The following NHSL2 variants were observed in gnomAD, a reference collection of about 807,000 sequenced individuals.
NHSL2 encodes the protein NHS like 2.
Under a neutral mutation model 53.4 loss-of-function variants are expected in NHSL2, and 27 were observed. The ratio of observed to expected loss-of-function variants is 0.51; its 90% confidence interval spans 0.37 to 0.70. The LOEUF (loss-of-function observed/expected upper bound fraction) is 0.70, where lower values mean the gene tolerates loss of function less well. NHSL2 is among the 30% of genes least tolerant of loss of function. NHSL2 has a pLI of 0.00. For synonymous variants in NHSL2, 408 were observed against 404.1 expected, an observed-to-expected ratio of 1.01 and a Z score of -0.12; for missense variants, 892 against 980.1, an observed-to-expected ratio of 0.91 and a Z score of 1.20.
At position 71,961,231 on chromosome X, in the gene NHSL2, T is replaced by C. The variant is rs1378084697; in HGVS notation, c.280+49864T>C. ...AACTGATTTTAACATATTGATCTTG[T>C]ACCCTGCAACTTTGCTGAATTCATT... On this transcript the variant is annotated intron_variant, in intron 1 of 7. Transcript: ENST00000633930. Among the ~76,000 whole-genome samples, 3 of 110,724 alleles carry C rather than the reference T, an allele frequency of 2.7e-5. No homozygotes were observed. The East Asian group carries it at 8.3e-4, about 31-fold the overall frequency.
At chrX:72,038,449 C>A (rs2042252920) in intron 1 of NHSL2, among the ~76,000 whole-genome samples, 1 of 112,487 alleles carries the variant, frequency 8.9e-6, no homozygotes, top group African/African-American at 3.2e-5. Flanking sequence ...TGCTTCAGAT[C>A]TTTTCTAAGA....
At chrX:72,111,510 T>C (rs1208637769) in intron 1 of NHSL2, among the ~76,000 whole-genome samples, 1 of 112,438 alleles carries the variant, frequency 8.9e-6, no homozygotes, top group African/African-American at 3.2e-5. Context: ...AGTGAGACAT[T>C]ATTATTATCT....
In NHSL2 at chrX:72,074,523, A is replaced by G. The variant is rs181525586; in HGVS notation, c.281-57556A>G. The stretch of plus-strand genomic sequence containing the variant: ...CATGACTGAGAGATGTGTTGGAGGC[A>G]GAGGCACAGGCCCTGGGGATTGGGG... On this transcript the variant is annotated intron_variant, in intron 1 of 7. Transcript: ENST00000633930. 4.0e-3 allele frequency among the ~76,000 whole-genome samples: 445 copies of G among 112,502 alleles called. 1 individual carries two copies. The highest frequency in any genetic ancestry group is 5.7e-3 in the Non-Finnish European group (304 of 53,334).
chrX:72,017,592 G>A (rs2042140836), intron 1 of NHSL2, among the ~76,000 whole-genome samples: 1 of 112,538 alleles, frequency 8.9e-6, no homozygotes, highest in Non-Finnish European at 1.9e-5. Flanking sequence ...TGCAGATGCT[G>A]TCTGGGCAAG....
At chrX:72,087,993 G>T (rs1214766388) in intron 1 of NHSL2, among the ~76,000 whole-genome samples, 1 of 107,072 alleles carries the variant, frequency 9.3e-6, no homozygotes, top group African/African-American at 3.3e-5. Flanking sequence ...TCCCCTGGGA[G>T]GCCGAGGCGG....
At chrX:72,010,325 G>T (rs984194723) in intron 1 of NHSL2, among the ~76,000 whole-genome samples, 1 of 112,337 alleles carries the variant, frequency 8.9e-6, no homozygotes, top group African/African-American at 3.2e-5. Flanking sequence ...GTGACACAGG[G>T]ATAGGTGAAA....
At chrX:72,023,454 C>T (rs1232474586) in intron 1 of NHSL2, among the ~76,000 whole-genome samples, 1 of 112,699 alleles carries the variant, frequency 8.9e-6, no homozygotes, top group Non-Finnish European at 1.9e-5. Context: ...CTGATGAAAA[C>T]AATATTTCCA....
At chrX:72,138,240 A>G (rs1410562951) in intron 5 of NHSL2, among the ~76,000 whole-genome samples, 1 of 112,257 alleles carries the variant, frequency 8.9e-6, no homozygotes, top group Non-Finnish European at 1.9e-5. Context: ...GGACCATTCA[A>G]GGGCACCGTA....
intron 1 of NHSL2, among the ~76,000 whole-genome samples, chrX:72,100,267 T>A (rs2041980731): frequency 8.9e-6 from 1 of 112,033 alleles, no homozygotes; most frequent in Non-Finnish European, 1.9e-5. Context: ...ACCTAGATAG[T>A]GTAGCCTGCT....
chrX:72,038,451 T>G (rs906114370), intron 1 of NHSL2, among the ~76,000 whole-genome samples: 8 of 112,484 alleles, frequency 7.1e-5, no homozygotes. Context: ...CTTCAGATCT[T>G]TTCTAAGAAA....
At chrX:72,131,897 T>A in intron 1 of NHSL2, 182 bp from the exon 2 acceptor site, 1 of 423,385 alleles carries the variant, frequency 2.4e-6, no homozygotes, top group Non-Finnish European at 4.0e-6. Context: ...GGGAGCGGAC[T>A]GCGGCAGGAT....
intron 1 of NHSL2, among the ~76,000 whole-genome samples, 157 bp downstream of exon 1, chrX:71,911,524 C>T (rs768302036): frequency 6.2e-5 from 7 of 112,053 alleles, no homozygotes; most frequent in Non-Finnish European, 1.1e-4. Flanking sequence ...CCCCGACCCC[C>T]GCCTCCGCCC....
At chrX:71,918,181 C>T (rs2041638324) in intron 1 of NHSL2, among the ~76,000 whole-genome samples, 1 of 111,343 alleles carries the variant, frequency 9.0e-6, no homozygotes. Flanking sequence ...GTCTACCTGC[C>T]TGTGTGTCCC....
Position 71,969,319 on chromosome X carries a change from CTTTTTT to C in NHSL2, c.280+57960_280+57965del, listed in dbSNP as rs760980869. On this transcript the variant is annotated intron_variant, in intron 1 of 7. Coordinates refer to ENST00000633930, the MANE Select transcript of NHSL2 (RefSeq NM_001013627.3). ...TTTTCTTTTTTTCTTTTTTTTTTTT[CTTTTTT>C]TTTTTTTGAGACAGTCTCGCTCTGT... 4.9e-5 allele frequency among the ~76,000 whole-genome samples: 3 copies of C among 60,926 alleles called. No individual in the cohort carries two copies. In the Admixed American group the frequency reaches 6.4e-4, roughly 13 times the overall value. 52.9% of individuals were successfully genotyped at this position (60,926 alleles called of 115,157 possible).
intron 1 of NHSL2, among the ~76,000 whole-genome samples, chrX:71,996,411 G>A (rs992136392): frequency 7.1e-5 from 8 of 112,453 alleles, no homozygotes; most frequent in African/African-American, 2.6e-4. Flanking sequence ...TGGCTTGAAG[G>A]CCTGGGCAAA....
intron 1 of NHSL2, among the ~76,000 whole-genome samples, chrX:71,928,699 T>C: frequency 9.0e-6 from 1 of 111,240 alleles, no homozygotes; most frequent in South Asian, 3.8e-4. Context: ...TGGGCCTCTT[T>C]TTGGGACCCC....
chrX:72,034,033 TTTTTG>T (rs1167038575), intron 1 of NHSL2, among the ~76,000 whole-genome samples: 5 of 111,972 alleles, frequency 4.5e-5, no homozygotes, highest in Non-Finnish European at 9.4e-5. Context: ...TTGTTTTTGT[TTTTTG>T]TTTTGTTTTG....
intron 7 of NHSL2, among the ~76,000 whole-genome samples, chrX:72,142,862 C>CCA (rs1830460318): frequency 8.9e-6 from 1 of 111,840 alleles, no homozygotes; most frequent in Admixed American, 9.5e-5. Context: ...GGTTACAAGG[C>CCA]AGGGGTTCAG....
chrX:72,100,160 A>C (rs1023518302), intron 1 of NHSL2, among the ~76,000 whole-genome samples: 6 of 112,183 alleles, frequency 5.3e-5, no homozygotes, highest in Non-Finnish European at 1.1e-4. Context: ...AGCCAAGTAC[A>C]GTCAGGCCTC....
Sources: gnomAD v4.1 joint callset for allele counts (sites outside exome capture counted in the v4.1 genomes callset) on GRCh38, gnomAD v4.1.1 for gene constraint, MANE v1.5 for transcripts, NCBI Gene and HGNC (gene_info 2026-07-23, HGNC 2026-07-21) for gene names.